The following MAML2 variants were observed in gnomAD, a reference collection of about 807,000 sequenced individuals.
The protein encoded by MAML2 is mastermind-like protein 2.
In MAML2, 22 loss-of-function variants were observed where a neutral mutation model predicts 96.1. The ratio of observed to expected loss-of-function variants is 0.23; its 90% confidence interval spans 0.16 to 0.33. The LOEUF is 0.33. Among genes scored for constraint, MAML2 ranks in the 10% least tolerant of loss-of-function variants. The pLI, the probability that MAML2 is intolerant of heterozygous loss-of-function variation, is 1.00. For synonymous variants in MAML2, 561 were observed against 521.3 expected, an observed-to-expected ratio of 1.08 and a Z score of -1.04; for missense variants, 1,367 against 1,392.4, an observed-to-expected ratio of 0.98 and a Z score of 0.29.
intron 1 of MAML2, among the ~76,000 whole-genome samples, chr11:96,278,178 G>A (rs1250420863): frequency 6.6e-6 from 1 of 152,062 alleles, no homozygotes; most frequent in African/African-American, 2.4e-5. Context: ...CCGTATCACA[G>A]ATAGCTCTTG....
intron 2 of MAML2, among the ~76,000 whole-genome samples, chr11:96,017,095 A>C (rs1169553397): frequency 6.6e-6 from 1 of 152,222 alleles, no homozygotes; most frequent in Admixed American, 6.5e-5. Context: ...GCATATTACT[A>C]AACAATTTGA....
chr11:96,091,741 A>G (rs1859709373), intron 2 of MAML2, 151 bp downstream of exon 2: 3 of 1,171,886 alleles, frequency 2.6e-6, no homozygotes, highest in South Asian at 1.7e-5. Flanking sequence ...TCAACGAACC[A>G]GGCTTTATGA....
At chr11:95,998,414 T>C (rs1858032502) in intron 2 of MAML2, among the ~76,000 whole-genome samples, 1 of 152,168 alleles carries the variant, frequency 6.6e-6, no homozygotes, top group African/African-American at 2.4e-5. Context: ...ATGGGTTTCA[T>C]TCATTCACTT....
intron 1 of MAML2, among the ~76,000 whole-genome samples, chr11:96,186,956 A>G (rs1000362219): frequency 1.3e-5 from 2 of 152,226 alleles, no homozygotes; most frequent in African/African-American, 2.4e-5. Context: ...CAAAGACACA[A>G]GTTTCACTCA....
At chr11:96,332,878 A>G (rs1863871808) in intron 1 of MAML2, among the ~76,000 whole-genome samples, 1 of 152,218 alleles carries the variant, frequency 6.6e-6, no homozygotes, top group Admixed American at 6.5e-5. Context: ...AGTACAGTAC[A>G]TATTGTATTC....
chr11:96,329,453 T>C (rs1299924119), intron 1 of MAML2, among the ~76,000 whole-genome samples: 1 of 152,306 alleles, frequency 6.6e-6, no homozygotes, highest in African/African-American at 2.4e-5. Context: ...TTTCAATTCT[T>C]CCTCAATAAA....
intron 2 of MAML2, among the ~76,000 whole-genome samples, chr11:96,025,030 C>G (rs775042272): frequency 3.3e-5 from 5 of 152,164 alleles, no homozygotes; most frequent in Non-Finnish European, 7.3e-5. Flanking sequence ...CCGTTCAACC[C>G]AGAAATCCCA....
chr11:96,200,647 T>C (rs963152909), intron 1 of MAML2, among the ~76,000 whole-genome samples: 1 of 152,210 alleles, frequency 6.6e-6, no homozygotes, highest in African/African-American at 2.4e-5. Context: ...CAATCCACCA[T>C]GTCTTCCTGC....
At chr11:96,008,435 T>C (rs1858219740) in intron 2 of MAML2, among the ~76,000 whole-genome samples, 1 of 152,206 alleles carries the variant, frequency 6.6e-6, no homozygotes, top group Admixed American at 6.5e-5. Context: ...CATGTGGTGC[T>C]TTTTTAAAAT....
At chr11:96,077,352 T>C (rs1859458871) in intron 2 of MAML2, among the ~76,000 whole-genome samples, 1 of 150,408 alleles carries the variant, frequency 6.6e-6, no homozygotes, top group Non-Finnish European at 1.5e-5. Context: ...TCCCAAGCAG[T>C]TGGGACTACA....
chr11:96,044,954 A>C (rs1858872726), intron 2 of MAML2, among the ~76,000 whole-genome samples: 1 of 152,058 alleles, frequency 6.6e-6, no homozygotes, highest in South Asian at 2.1e-4. Context: ...GATCATGCAC[A>C]CTCTTAGGAC....
chr11:96,019,370 G>A (rs1858402004), intron 2 of MAML2, among the ~76,000 whole-genome samples: 1 of 152,028 alleles, frequency 6.6e-6, no homozygotes, highest in Non-Finnish European at 1.5e-5. Flanking sequence ...CAATCATTTT[G>A]AATATAATCT....
intron 1 of MAML2, among the ~76,000 whole-genome samples, chr11:96,327,093 CAT>C (rs1440958651): frequency 6.6e-6 from 1 of 152,184 alleles, no homozygotes; most frequent in Non-Finnish European, 1.5e-5. Context: ...GGAGATCAGT[CAT>C]GTGTGTCTGC....
At chr11:96,286,349 C>T (rs1863139548) in intron 1 of MAML2, among the ~76,000 whole-genome samples, 2 of 152,112 alleles carry the variant, frequency 1.3e-5, no homozygotes, top group Admixed American at 1.3e-4. Context: ...GGGAGAGCAT[C>T]AGGAAGAATA....
At chr11:96,136,092 C>G (rs4753735) in intron 1 of MAML2, among the ~76,000 whole-genome samples, 88,536 of 150,510 alleles carry the variant, frequency 0.59, 26,474 homozygotes, top group East Asian at 0.92. Context: ...TAGGAATCAA[C>G]GTTTTGATCT....
chr11:96,020,625 C>T (rs1346266684), intron 2 of MAML2, among the ~76,000 whole-genome samples: 1 of 152,198 alleles, frequency 6.6e-6, no homozygotes, highest in East Asian at 1.9e-4. Context: ...CACGTGTGAA[C>T]TGATGAGAGC....
At chr11:95,983,073 C>T (rs1857766729) in intron 4 of MAML2, among the ~76,000 whole-genome samples, 1 of 152,022 alleles carries the variant, frequency 6.6e-6, no homozygotes, top group Admixed American at 6.5e-5. Context: ...GTAAAACAGC[C>T]TCAGGCAGGT....
intron 1 of MAML2, among the ~76,000 whole-genome samples, chr11:96,333,305 A>T (rs961680371): frequency 6.6e-6 from 1 of 152,116 alleles, no homozygotes; most frequent in Non-Finnish European, 1.5e-5. Flanking sequence ...AAGCATTATT[A>T]TCCTCAAGAA....
intron 1 of MAML2, among the ~76,000 whole-genome samples, chr11:96,252,566 C>T (rs1182565469): frequency 6.6e-6 from 1 of 151,834 alleles, no homozygotes; most frequent in Non-Finnish European, 1.5e-5. Flanking sequence ...GCTGGGACTA[C>T]AGGCGCGTGT....
Sources: allele counts gnomAD v4.1 joint callset (sites outside exome capture counted in the v4.1 genomes callset), GRCh38; gene constraint gnomAD v4.1.1; transcripts MANE v1.5; gene names NCBI Gene and HGNC (gene_info 2026-07-23, HGNC 2026-07-21).